FHOD3: variants seen among roughly 807,000 people sequenced by gnomAD.
The protein encoded by FHOD3 is FH1/FH2 domain-containing protein 3.
FHOD3 carries 90 observed loss-of-function variants against 173.0 expected under a neutral mutation model. The ratio of observed to expected loss-of-function variants is 0.52; its 90% CI spans 0.44 to 0.62. The LOEUF is 0.62. FHOD3 is among the 20% of genes least tolerant of loss of function. The pLI is 0.00. For missense variants in FHOD3, 1,945 were observed against 2,034.7 expected (o/e 0.96, Z 0.85); for synonymous variants, 828 against 823.0 (o/e 1.01, Z -0.10).
intron 5 of FHOD3, among the ~76,000 whole-genome samples, chr18:36,532,829 G>C (rs1023685060): frequency 1.3e-5 from 2 of 152,200 alleles, no homozygotes; most frequent in African/African-American, 4.8e-5. Flanking sequence ...TTTGGAAAAG[G>C]TTCCATTAAA....
chr18:36,688,401 T>A (rs1302595109), intron 16 of FHOD3, among the ~76,000 whole-genome samples: 1 of 152,208 alleles, frequency 6.6e-6, no homozygotes, highest in Non-Finnish European at 1.5e-5. Flanking sequence ...AGACTGCCTG[T>A]CTTCAATTTA....
intron 14 of FHOD3, among the ~76,000 whole-genome samples, chr18:36,663,037 T>A (rs2149243431): frequency 1.3e-5 from 2 of 152,328 alleles, no homozygotes; most frequent in Middle Eastern, 6.8e-3. Context: ...TTTACTTCAT[T>A]TATTGTGTGT....
intron 5 of FHOD3, among the ~76,000 whole-genome samples, chr18:36,539,784 C>T (rs1246450439): frequency 6.6e-6 from 1 of 152,120 alleles, no homozygotes; most frequent in Non-Finnish European, 1.5e-5. Flanking sequence ...GTAGGAAGTA[C>T]AGGATTGGAG....
At chr18:36,590,212 AG>A (rs140934135) in intron 6 of FHOD3, among the ~76,000 whole-genome samples, 3,535 of 152,240 alleles carry the variant, frequency 0.023, 148 homozygotes, top group African/African-American at 0.081. Flanking sequence ...CATAAGCGCA[AG>A]GGGCACCAAG....
chr18:36,517,864 A>G (rs2056076484), intron 5 of FHOD3, among the ~76,000 whole-genome samples: 1 of 152,184 alleles, frequency 6.6e-6, no homozygotes, highest in African/African-American at 2.4e-5. Flanking sequence ...CCCAGAGTTG[A>G]CTATAGTCCA....
intron 3 of FHOD3, among the ~76,000 whole-genome samples, chr18:36,412,498 A>G (rs1205386968): frequency 6.6e-6 from 1 of 152,242 alleles, no homozygotes; most frequent in Admixed American, 6.5e-5. Flanking sequence ...AATCAGATTT[A>G]TTCTTGAACA....
At chr18:36,612,408 G>A (rs2032778584) in intron 9 of FHOD3, among the ~76,000 whole-genome samples, 1 of 152,182 alleles carries the variant, frequency 6.6e-6, no homozygotes, top group Admixed American at 6.5e-5. Context: ...AAGGAGACGG[G>A]GAGAGAAAGA....
intron 14 of FHOD3, among the ~76,000 whole-genome samples, chr18:36,676,101 GA>G (rs2037840225): frequency 6.6e-6 from 1 of 152,172 alleles, no homozygotes; most frequent in South Asian, 2.1e-4. Flanking sequence ...GAGCAATAAA[GA>G]GTATCAGATA....
In FHOD3 at chr18:36,755,296, G is replaced by A. The variant is rs2150203383; in HGVS notation, c.4410G>A (p.Gly1470=). 2 of 1,577,722 alleles carry A rather than the reference G, an allele frequency of 1.3e-6. No individual in the cohort carries two copies. The highest frequency in any genetic ancestry group is 2.3e-5 in the South Asian group (2 of 85,904). The part of the protein sequence containing the change: ...ANHRERNKTR[G]KMITDTDEEE... ...ACAGAGAGAGAAATAAGACCAGAGGGAAGATGATCACCGATGTAAGTTTCA... is the reference window on the plus strand; with the variant it reads ...ACAGAGAGAGAAATAAGACCAGAGGAAAGATGATCACCGATGTAAGTTTCA... Residue 1470 remains glycine, a synonymous_variant, in exon 25 of 29, where the codon GGG becomes GGA. Coordinates refer to ENST00000590592, the MANE Select transcript of FHOD3 (RefSeq NM_001281740.3).
chr18:36,310,727 A>G lies in FHOD3; in HGVS notation c.165+12727A>G, dbSNP rs552671272. Among the ~76,000 whole-genome samples, 21 of 152,036 alleles carry G rather than the reference A, an allele frequency of 1.4e-4. 2 individuals carry two copies. In the South Asian group the frequency reaches 4.0e-3, roughly 29 times the overall value. Reference sequence around the variant, plus strand: ...GAAAAGAAAAAAAAAAGAAATGTCAACTTGGGAAAAATCCACGTGGACTGC... The same window carrying G: ...GAAAAGAAAAAAAAAAGAAATGTCAGCTTGGGAAAAATCCACGTGGACTGC... On this transcript the variant is annotated intron_variant, in intron 1 of 28. Transcript: ENST00000590592.
chr18:36,519,318 AGGG>A (rs1340564464), intron 5 of FHOD3, among the ~76,000 whole-genome samples: 3 of 152,082 alleles, frequency 2.0e-5, no homozygotes, highest in Non-Finnish European at 4.4e-5. Context: ...TTCTCACAGG[AGGG>A]AGCTGGGTGC....
chr18:36,573,434 A>G (rs1249776643), intron 5 of FHOD3, among the ~76,000 whole-genome samples: 3 of 108,862 alleles, frequency 2.8e-5, no homozygotes, highest in Non-Finnish European at 6.0e-5. Context: ...AGGAGACCCT[A>G]TCTCTACAGA....
intron 9 of FHOD3, among the ~76,000 whole-genome samples, chr18:36,620,261 G>A (rs1330180491): frequency 6.6e-6 from 1 of 152,156 alleles, no homozygotes; most frequent in Admixed American, 6.5e-5. Context: ...TTTTGAACAT[G>A]AAAGGCAGGT....
At chr18:36,724,659 AC>A (rs2040963533) in intron 19 of FHOD3, among the ~76,000 whole-genome samples, 1 of 152,040 alleles carries the variant, frequency 6.6e-6, no homozygotes, top group African/African-American at 2.4e-5. Flanking sequence ...ACAAAGGGTA[AC>A]CTCTGCCTCT....
At chr18:36,477,918 T>C (rs1488974491) in intron 3 of FHOD3, among the ~76,000 whole-genome samples, 3 of 152,172 alleles carry the variant, frequency 2.0e-5, no homozygotes, top group Non-Finnish European at 4.4e-5. Flanking sequence ...CATGCAGTGC[T>C]GAAAGGACTG....
chr18:36,779,131 C>G (rs1046057348), intron 28 of FHOD3: 5 of 373,916 alleles, frequency 1.3e-5, no homozygotes, highest in Non-Finnish European at 2.5e-5. Flanking sequence ...CAGTTCACCC[C>G]CTTCTCAGAA....
chr18:36,553,058 C>A (rs1439599069), intron 5 of FHOD3, among the ~76,000 whole-genome samples: 4 of 152,158 alleles, frequency 2.6e-5, no homozygotes, highest in African/African-American at 9.7e-5. Flanking sequence ...AAGGCCTTTT[C>A]TGCATCTATT....
chr18:36,774,309 C>T (rs1303162947), intron 28 of FHOD3, among the ~76,000 whole-genome samples: 1 of 152,210 alleles, frequency 6.6e-6, no homozygotes, highest in Admixed American at 6.5e-5. Flanking sequence ...ACAGCCAGAC[C>T]AGTGATGGCA....
chr18:36,502,879 A>G (rs2055111343), intron 4 of FHOD3, among the ~76,000 whole-genome samples: 1 of 152,128 alleles, frequency 6.6e-6, no homozygotes, highest in Non-Finnish European at 1.5e-5. Flanking sequence ...TGTTGCATAT[A>G]TATCCTACTT....
Sources: gnomAD v4.1 joint callset for allele counts (sites outside exome capture counted in the v4.1 genomes callset) on GRCh38, gnomAD v4.1.1 for gene constraint, MANE v1.5 for transcripts, NCBI Gene and HGNC (gene_info 2026-07-23, HGNC 2026-07-21) for gene names.